The following ALDH7A1 variants were observed in gnomAD, a reference collection of about 807,000 sequenced individuals.
The protein encoded by ALDH7A1 is alpha-aminoadipic semialdehyde dehydrogenase.
A neutral mutation model predicts 79.9 loss-of-function variants in ALDH7A1; 63 were observed. The observed-to-expected ratio is 0.79, with a 90% CI of 0.64 to 0.97. The LOEUF (loss-of-function observed/expected upper bound fraction) is 0.97, where lower values mean the gene tolerates loss of function less well. ALDH7A1 is among the 50% of genes least tolerant of loss of function. ALDH7A1 has a pLI of 0.00. For missense variants in ALDH7A1, 627 were observed against 665.2 expected (o/e 0.94, Z 0.63); for synonymous variants, 240 against 231.2 (o/e 1.04, Z -0.34).
At chr5:126,551,159 C>T (rs1241207929) in intron 14 of ALDH7A1, among the ~76,000 whole-genome samples, 2 of 152,062 alleles carry the variant, frequency 1.3e-5, no homozygotes, top group East Asian at 3.9e-4. Context: ...AGCACCTGGC[C>T]TCAAGTGATC....
At chr5:126,551,579 TC>T (rs1750000436) in intron 14 of ALDH7A1, among the ~76,000 whole-genome samples, 1 of 152,116 alleles carries the variant, frequency 6.6e-6, no homozygotes, top group South Asian at 2.1e-4. Flanking sequence ...TGCCTCACCC[TC>T]CCAAAGTGCT....
intron 5 of ALDH7A1, among the ~76,000 whole-genome samples, chr5:126,578,776 A>G (rs1263114870): frequency 6.6e-6 from 1 of 152,222 alleles, no homozygotes; most frequent in Non-Finnish European, 1.5e-5. Flanking sequence ...TGGACAGTAT[A>G]GAACCATACC....
At chr5:126,559,389 T>G in intron 10 of ALDH7A1, 55 bp from the exon 11 acceptor site, 1 of 1,316,288 alleles carries the variant, frequency 7.6e-7, no homozygotes, top group Non-Finnish European at 1.1e-6. Context: ...GACAAGGTAT[T>G]TGTTAGCTGG....
At chr5:126,594,134 G>A (rs760863665) in intron 1 of ALDH7A1, 1 of 461,328 alleles carries the variant, frequency 2.2e-6, no homozygotes, top group Admixed American at 2.4e-5. Flanking sequence ...ATAAAACATT[G>A]TTTTGAGCAG....
At chr5:126,593,739 A>C in intron 1 of ALDH7A1, 1 of 413,418 alleles carries the variant, frequency 2.4e-6, no homozygotes. Flanking sequence ...TCTCTTCCTT[A>C]CTCTGCCCAC....
chr5:126,566,650 T>C (rs1321485032), intron 9 of ALDH7A1, among the ~76,000 whole-genome samples: 1 of 152,196 alleles, frequency 6.6e-6, no homozygotes, highest in African/African-American at 2.4e-5. Context: ...TACAAAGCTA[T>C]GTCTATACAA....
chr5:126,577,358 T>G, intron 5 of ALDH7A1, 147 bp from the exon 6 acceptor site: 1 of 1,001,640 alleles, frequency 1.0e-6, no homozygotes, highest in Middle Eastern at 2.0e-4. Flanking sequence ...ATCAGTACAT[T>G]AACTAATGTA....
chr5:126,590,234 C>T (rs1581403324), intron 3 of ALDH7A1, among the ~76,000 whole-genome samples: 1 of 151,670 alleles, frequency 6.6e-6, no homozygotes, highest in South Asian at 2.1e-4. Flanking sequence ...TCTGCCCGGC[C>T]GCTGCCCTGT....
intron 1 of ALDH7A1, chr5:126,593,682 CT>C: frequency 1.8e-6 from 1 of 565,066 alleles, no homozygotes; most frequent in East Asian, 3.0e-5. Context: ...TATTTTGTCT[CT>C]TTTTCCATTA....
rs1162522540 is a variant in ALDH7A1 at position 126,592,654 on chromosome 5, C to G, written c.312+10G>C. On this transcript the variant is annotated intron_variant, in intron 3 of 17. Coordinates refer to ENST00000409134, the MANE Select transcript of ALDH7A1 (RefSeq NM_001182.5). Reference sequence around the variant, plus strand: ...CTTTTCTGAATTCTAGAAACAAAGGCCATACTTACATCTGCCCAGATTTTC... The same window carrying G: ...CTTTTCTGAATTCTAGAAACAAAGGGCATACTTACATCTGCCCAGATTTTC... The G allele has an allele frequency of 1.2e-6, 2 of 1,612,556 alleles. No homozygotes were observed. Among genetic ancestry groups the G allele is most frequent in the African/African-American group, 2.7e-5 (2 of 74,856 alleles).
At chr5:126,559,433 G>GGT (rs1561654476) in intron 10 of ALDH7A1, 99 bp from the exon 11 acceptor site, 25 of 569,812 alleles carry the variant, frequency 4.4e-5, no homozygotes, top group Middle Eastern at 7.0e-4. Context: ...TTTTGGTTTT[G>GGT]GTTTTTTTTT....
At chr5:126,553,128 GATT>G (rs1463435190) in intron 13 of ALDH7A1, among the ~76,000 whole-genome samples, 1 of 152,020 alleles carries the variant, frequency 6.6e-6, no homozygotes, top group Admixed American at 6.6e-5. Context: ...CCAATAAATA[GATT>G]ATAATTGCTC....
At chr5:126,592,433 T>A (rs2112815644) in intron 3 of ALDH7A1, 1 of 571,466 alleles carries the variant, frequency 1.7e-6, no homozygotes, top group South Asian at 2.2e-5. Flanking sequence ...AAGTTTTAAT[T>A]CATTTAAATT....
intron 16 of ALDH7A1, among the ~76,000 whole-genome samples, chr5:126,547,218 C>T (rs537960033): frequency 9.8e-5 from 15 of 152,346 alleles, no homozygotes; most frequent in African/African-American, 2.9e-4. Context: ...CTTGGTTCCT[C>T]ACCCAGTGCT....
intron 14 of ALDH7A1, among the ~76,000 whole-genome samples, chr5:126,550,817 A>G (rs1749971440): frequency 6.6e-6 from 1 of 152,266 alleles, no homozygotes; most frequent in African/African-American, 2.4e-5. Context: ...ATAAAGAAGC[A>G]ATGATGTAAT....
At chr5:126,549,905 A>G in intron 16 of ALDH7A1, 24 bp downstream of exon 16, 1 of 1,612,214 alleles carries the variant, frequency 6.2e-7, no homozygotes, top group Non-Finnish European at 8.5e-7. Flanking sequence ...CAACATGGAA[A>G]AGGAGAAATG....
chr5:126,592,667 T>G lies in ALDH7A1; in HGVS notation c.309A>C (p.Ala103=), dbSNP rs1751590460. 6.2e-7 allele frequency: 1 copy of G among 1,613,924 alleles called. No individual in the cohort carries two copies. The highest frequency in any genetic ancestry group is 1.3e-5 in the African/African-American group (1 of 74,932). ...KKAREAWKIW[A]DIPAPKRGEI... Reference sequence around the variant, plus strand: ...TAGAAACAAAGGCCATACTTACATCTGCCCAGATTTTCCATGCTTCTCTTG... The same window carrying G: ...TAGAAACAAAGGCCATACTTACATCGGCCCAGATTTTCCATGCTTCTCTTG... The change falls in exon 3 of 18, where the codon GCA becomes GCC. Residue 103 remains alanine (A), a synonymous_variant. Coordinates refer to ENST00000409134, the MANE Select transcript of ALDH7A1 (RefSeq NM_001182.5).
chr5:126,570,675 A>G lies in ALDH7A1; in HGVS notation c.773+107T>C, dbSNP rs144954395. 5.0e-5 allele frequency: 55 copies of G among 1,103,286 alleles called. No homozygotes were observed. In the African/African-American group the frequency reaches 6.6e-4, roughly 13 times the overall value. 68.3% of individuals were successfully genotyped at this position (1,103,286 alleles called of 1,614,324 possible). On this transcript the variant is annotated intron_variant, in intron 8 of 17. Transcript: ENST00000409134. ...CATAATAATAATGATTTCAAAAACCATTCTCAACTCCTTAGTTATAAGTGA... is the reference window on the plus strand; with the variant it reads ...CATAATAATAATGATTTCAAAAACCGTTCTCAACTCCTTAGTTATAAGTGA...
rs564971703 is a variant in ALDH7A1, at chr5:126,584,421, G to A, written c.313-409C>T. The A allele has an allele frequency of 1.1e-4, 26 of 226,796 alleles. No homozygotes were observed. The South Asian group carries it at 1.6e-3, about 14-fold the overall frequency. 14.0% of individuals were successfully genotyped at this position (226,796 alleles called of 1,614,324 possible). A position where few individuals can be genotyped will look rare whatever the true frequency, so the allele number is the denominator to read the frequency against. The stretch of plus-strand genomic sequence containing the variant: ...TCACACCTGTAATCCCAACACTTTG[G>A]GAGGCTGAGGCGGGCAGATCACAAG... On this transcript the variant is annotated intron_variant, in intron 3 of 17. Coordinates refer to ENST00000409134, the MANE Select transcript of ALDH7A1 (RefSeq NM_001182.5).
Sources: allele counts gnomAD v4.1 joint callset (sites outside exome capture counted in the v4.1 genomes callset), GRCh38; gene constraint gnomAD v4.1.1; transcripts MANE v1.5; gene names NCBI Gene and HGNC (gene_info 2026-07-23, HGNC 2026-07-21).